DHX34: variants seen among roughly 807,000 people sequenced by gnomAD.
The protein encoded by DHX34 is probable ATP-dependent RNA helicase DHX34.
In DHX34, 96 loss-of-function variants were observed where a neutral mutation model predicts 111.1. The observed-to-expected ratio is 0.86, with a 90% CI of 0.73 to 1.02. The LOEUF is 1.02. Among genes scored for constraint, DHX34 ranks in the 50% least tolerant of loss-of-function variants. The pLI is 0.00. For synonymous variants in DHX34, 688 were observed against 670.4 expected (o/e 1.03, Z -0.41); for missense variants, 1,560 against 1,579.9 (o/e 0.99, Z 0.21).
rs1217252604 is a variant in DHX34 at position 47,363,083 on chromosome 19, TG to T, written c.1593+393del. Among the ~76,000 whole-genome samples, 3 of 152,132 alleles carry T rather than the reference TG, an allele frequency of 2.0e-5. No homozygotes were observed. The East Asian group carries it at 5.8e-4, about 29-fold the overall frequency. On this transcript the variant is annotated intron_variant, in intron 6 of 16. Transcript: ENST00000328771. ...CTCCTGCCTCAGCCTTCCTAGTAGC[TG>T]GGACTACAGGTGTGCACCACCAAGC...
In DHX34 at chr19:47,358,110, A is replaced by C. The variant is rs199770744; in HGVS notation, c.1262A>C (p.Asp421Ala). 5.6e-6 allele frequency: 9 copies of C among 1,607,554 alleles called. No homozygotes were observed. The Admixed American group carries it at 1.3e-4, about 24-fold the overall frequency. ...CTGCACAGCGCCCTGTCTGTGGCCG[A>C]CCAGGACAAGGTATCACAGGAAGCC... is the stretch of plus-strand genomic sequence containing the variant. ...LPLHSALSVA[D>A]QDKVFDVAPP... Residue 421 changes from aspartate to alanine, a missense_variant, in exon 4 of 17, where the codon GAC becomes GCC. By Grantham distance (126) the Asp-to-Ala change is moderately radical. Transcript: ENST00000328771.
intron 5 of DHX34, 149 bp downstream of exon 5, chr19:47,360,219 A>T (rs1459626931): frequency 1.5e-6 from 1 of 674,782 alleles, no homozygotes; most frequent in Non-Finnish European, 2.5e-6. Context: ...TGCAACCAGA[A>T]GTGTTTGGAA....
chr19:47,372,483 C>A, intron 7 of DHX34: 1 of 489,984 alleles, frequency 2.0e-6, no homozygotes, highest in Non-Finnish European at 2.6e-6. Flanking sequence ...TCCTGTGTGT[C>A]CAAGGAGGCA....
chr19:47,382,265 C>G lies in DHX34; in HGVS notation c.*152C>G. ...CCTGGAGCACGGATTGTGAATAAAG[C>G]CTCACATGCTGATACACACTGTTAG... On this transcript the variant is annotated 3_prime_UTR_variant, in exon 17 of 17. Coordinates refer to ENST00000328771, the MANE Select transcript of DHX34 (RefSeq NM_014681.6). 7.4e-7 allele frequency: 1 copy of G among 1,358,496 alleles called. No individual in the cohort carries two copies. The highest frequency in any genetic ancestry group is 9.7e-7 in the Non-Finnish European group (1 of 1,026,682). 84.2% of individuals were successfully genotyped at this position (1,358,496 alleles called of 1,614,324 possible).
In DHX34 at chr19:47,372,779, C is replaced by A. The variant is rs1970005633; in HGVS notation, c.1818C>A (p.Leu606=). 2 of 1,612,870 alleles carry A rather than the reference C, an allele frequency of 1.2e-6. No individual in the cohort carries two copies. Among genetic ancestry groups the A allele is most frequent in the African/African-American group, 1.3e-5 (1 of 74,926 alleles). ...TGTTCAGCCTGGTGGAGCCTGTGCT[C>A]ACCATCGCAGCCGCACTTAGCGTCC... ...GSMFSLVEPV[L]TIAAALSVQS... is the part of the protein sequence containing the mutation. Residue 606 remains leucine, a synonymous_variant, in exon 8 of 17, where the codon CTC becomes CTA. Coordinates refer to ENST00000328771, the MANE Select transcript of DHX34 (RefSeq NM_014681.6).
At chr19:47,356,675 C>T (rs1032426184) in intron 3 of DHX34, among the ~76,000 whole-genome samples, 13 of 151,638 alleles carry the variant, frequency 8.6e-5, no homozygotes, top group East Asian at 3.9e-4. Context: ...GAGTGCGAGC[C>T]GAGTGTGGTG....
At position 47,362,547 on chromosome 19, in the gene DHX34, GC is replaced by G; in HGVS notation, c.1449del (p.Ser484AlafsTer49). 6.2e-7 allele frequency: 1 copy of G among 1,612,950 alleles called. No individual in the cohort carries two copies. Among genetic ancestry groups the G allele is most frequent in the Non-Finnish European group, 8.5e-7 (1 of 1,179,556 alleles). On this transcript the variant is annotated frameshift_variant, in exon 6 of 17. Coordinates refer to ENST00000328771, the MANE Select transcript of DHX34 (RefSeq NM_014681.6). LOFTEE classifies it high-confidence loss of function. The part of the protein sequence containing the change: ...QRLQEFWISQ[A>X]SAEQRKGRAG... ...GCTGCAGGAGTTCTGGATTAGTCAG[GC>G]CAGCGCAGAGCAGCGGAAGGGCCGG...
intron 7 of DHX34, among the ~76,000 whole-genome samples, chr19:47,371,642 C>T (rs1321728920): frequency 6.6e-6 from 1 of 152,168 alleles, no homozygotes; most frequent in Non-Finnish European, 1.5e-5. Context: ...TCTGTTCACT[C>T]AGGCTAGAGT....
At position 47,352,928 on chromosome 19, in the gene DHX34, C is replaced by G. The variant is rs1436975349; in HGVS notation, c.-103C>G. 2.1e-6 allele frequency: 3 copies of G among 1,462,530 alleles called. No individual in the cohort carries two copies. The highest frequency in any genetic ancestry group is 1.8e-6 in the Non-Finnish European group (2 of 1,106,744). The allele number at this position is 1,462,530 out of a possible 1,614,324, so 90.6% of individuals were successfully genotyped here. On this transcript the variant is annotated 5_prime_UTR_variant, in exon 2 of 17. Transcript: ENST00000328771. ...TTAGCTCTTTGAAGAGAAAGTAGTT[C>G]TCTATTGCAGGCACTGGCCTCTTAA... is the stretch of plus-strand genomic sequence containing the variant.
chr19:47,372,947 C>CT (rs759243864), intron 8 of DHX34, 24 bp downstream of exon 8: 41 of 1,377,228 alleles, frequency 3.0e-5, no homozygotes, highest in Non-Finnish European at 3.6e-5. Flanking sequence ...TGGGGGCCCT[C>CT]TGTCTGTCAC....
chr19:47,372,806 G>A lies in DHX34; in HGVS notation c.1845G>A (p.Gln615=), dbSNP rs1970007722. 2 of 1,613,064 alleles carry A rather than the reference G, an allele frequency of 1.2e-6. No homozygotes were observed. Among genetic ancestry groups the A allele is most frequent in the East Asian group, 4.5e-5 (2 of 44,902 alleles). Residue 615 remains glutamine (Q), a synonymous_variant, in exon 8 of 17, where the codon CAG becomes CAA. Coordinates refer to ENST00000328771, the MANE Select transcript of DHX34 (RefSeq NM_014681.6). ...CCATCGCAGCCGCACTTAGCGTCCA[G>A]TCGCCCTTCACCCGCAGCGCCCAGA... ...VLTIAAALSV[Q]SPFTRSAQSS... is the part of the protein sequence containing the mutation.
At position 47,370,670 on chromosome 19, in the gene DHX34, TTTTA is replaced by T. The variant is rs71180829; in HGVS notation, c.1769-2039_1769-2036del. Among the ~76,000 whole-genome samples, 18 of 151,392 alleles carry T rather than the reference TTTTA, an allele frequency of 1.2e-4. 1 individual carries two copies. The highest frequency in any genetic ancestry group is 1.7e-4 in the African/African-American group (7 of 41,418). On this transcript the variant is annotated intron_variant, in intron 7 of 16. Coordinates refer to ENST00000328771, the MANE Select transcript of DHX34 (RefSeq NM_014681.6). Reference sequence around the variant, plus strand: ...AGGCTAAGAAGATGGTTCATTTTTGTTTTATTTATTTATTTATTTATTTAGAGAT... The same window carrying T: ...AGGCTAAGAAGATGGTTCATTTTTGTTTTATTTATTTATTTATTTAGAGAT...
Position 47,372,749 on chromosome 19 carries a change from C to A in DHX34, c.1788C>A (p.Gly596=). 6.2e-7 allele frequency: 1 copy of A among 1,609,868 alleles called. No individual in the cohort carries two copies. Reference sequence around the variant, plus strand: ...CTGCAGGGAAGATGCTGATCCTGGGCTCCATGTTCAGCCTGGTGGAGCCTG... The same window carrying A: ...CTGCAGGGAAGATGCTGATCCTGGGATCCATGTTCAGCCTGGTGGAGCCTG... ...DVVIGKMLIL[G]SMFSLVEPVL... is the part of the protein sequence containing the mutation. The change falls in exon 8 of 17, where the codon GGC becomes GGA. Residue 596 remains glycine, a synonymous_variant. Transcript: ENST00000328771.
intron 7 of DHX34, among the ~76,000 whole-genome samples, chr19:47,369,652 G>A (rs1377282617): frequency 6.6e-6 from 1 of 152,156 alleles, no homozygotes; most frequent in Admixed American, 6.5e-5. Flanking sequence ...CACAGTGGGG[G>A]CTGGGAGCAG....
chr19:47,367,606 C>T, intron 7 of DHX34, among the ~76,000 whole-genome samples: 1 of 152,066 alleles, frequency 6.6e-6, no homozygotes, highest in Non-Finnish European at 1.5e-5. Context: ...AGTCGAGAAA[C>T]ATGGCCGGCA....
Position 47,382,032 on chromosome 19 carries a change from G to A in DHX34, c.3351G>A (p.Arg1117=), listed in dbSNP as rs149712465. ...TCCAGAAGACATCTGTCCTGCAGAG[G>A]CCCTACCACTGCGAGGCCTGCGGGA... is the stretch of plus-strand genomic sequence containing the variant. ...ETLQKTSVLQ[R]PYHCEACGKD... Residue 1117 remains arginine (R), a synonymous_variant, in exon 17 of 17, where the codon AGG becomes AGA. Transcript: ENST00000328771. 3 of 1,614,114 alleles carry A rather than the reference G, an allele frequency of 1.9e-6. No homozygotes were observed. The highest frequency in any genetic ancestry group is 1.7e-6 in the Non-Finnish European group (2 of 1,180,008).
Position 47,376,080 on chromosome 19 carries a change from C to T in DHX34, c.2464C>T (p.Arg822Ter), listed in dbSNP as rs1016171531. The T allele has an allele frequency of 8.3e-6, 13 of 1,565,702 alleles. No homozygotes were observed. The highest frequency in any genetic ancestry group is 4.1e-5 in the Admixed American group (2 of 49,304). The change falls in exon 11 of 17, where the codon CGA becomes TGA. Residue 822 changes from arginine to a stop codon, truncating the protein, a stop_gained. Transcript: ENST00000328771. LOFTEE classifies it high-confidence loss of function. The part of the protein sequence containing the change: ...LAVPDAFNSS[R>*]KDSDQIFHTQ... ...CGTCCCCGACGCCTTCAACAGCAGCCGAAAGGACTCAGACCAGGTGGGGCC... is the reference window on the plus strand; with the variant it reads ...CGTCCCCGACGCCTTCAACAGCAGCTGAAAGGACTCAGACCAGGTGGGGCC...
In DHX34 at chr19:47,375,704, T is replaced by C; in HGVS notation, c.2303T>C (p.Ile768Thr). ...APPGASDGVDIQDVKFKLRHD... is the reference protein window; with the variant it reads ...APPGASDGVDTQDVKFKLRHD... ...CCAGGGGCCAGTGATGGCGTGGACA[T>C]CCAGGTGGGCGCCATGGGCTGTGGG... The change falls in exon 10 of 17, where the codon ATC becomes ACC. Residue 768 changes from isoleucine (I) to threonine (T), a missense_variant. By Grantham distance (89) the Ile-to-Thr change is moderately conservative (BLOSUM62 -1). Coordinates refer to ENST00000328771, the MANE Select transcript of DHX34 (RefSeq NM_014681.6). 6.4e-7 allele frequency: 1 copy of C among 1,561,232 alleles called. No individual in the cohort carries two copies. Among genetic ancestry groups the C allele is most frequent in the Non-Finnish European group, 8.6e-7 (1 of 1,157,900 alleles).
rs1007566487 is a variant in DHX34 at position 47,375,624 on chromosome 19, G to A, written c.2223G>A (p.Leu741=). 17 of 1,550,806 alleles carry A rather than the reference G, an allele frequency of 1.1e-5. No homozygotes were observed. In the Middle Eastern group the frequency reaches 6.9e-4, roughly 63 times the overall value. ...GGCGCAGGCGCAAGGTGCTGCGGCT[G>A]CAGGAGGAGCAGGACGGCGGCTCCA... ...GAGRRRKVLR[L]QEEQDGGSSD... Residue 741 remains leucine (L), a synonymous_variant, in exon 10 of 17, where the codon CTG becomes CTA. Transcript: ENST00000328771.
Sources: gnomAD v4.1 joint callset for allele counts (sites outside exome capture counted in the v4.1 genomes callset) on GRCh38, gnomAD v4.1.1 for gene constraint, MANE v1.5 for transcripts, NCBI Gene and HGNC (gene_info 2026-07-23, HGNC 2026-07-21) for gene names.